DMXL1: variants seen among roughly 807,000 people sequenced by gnomAD.
DMXL1 encodes the protein dmX-like protein 1.
In DMXL1, 99 loss-of-function variants were observed where a neutral mutation model predicts 319.2. That is an observed-to-expected ratio of 0.31 (90% confidence interval 0.26 to 0.37). The LOEUF (loss-of-function observed/expected upper bound fraction) is 0.37, where lower values mean the gene tolerates loss of function less well. DMXL1 is among the 10% of genes least tolerant of loss of function. DMXL1 has a pLI of 1.00. For missense variants in DMXL1, 3,745 were observed against 3,595.6 expected, an observed-to-expected ratio of 1.04 and a Z score of -1.06; for synonymous variants, 1,385 against 1,235.2, an observed-to-expected ratio of 1.12 and a Z score of -2.54.
In DMXL1 at chr5:119,101,845, A is replaced by G. The variant is rs1286277140; in HGVS notation, c.214-90A>G. The G allele has an allele frequency of 1.2e-5, 10 of 826,950 alleles. No homozygotes were observed. The South Asian group carries it at 1.3e-4, about 11-fold the overall frequency. The allele number at this position is 826,950 out of a possible 1,614,324, so 51.2% of individuals were successfully genotyped here. ...TGAATGAAATTGTGTGTATTGGCATATTTAAAGTTATAGTATTCATTTCTT... is the reference window on the plus strand; with the variant it reads ...TGAATGAAATTGTGTGTATTGGCATGTTTAAAGTTATAGTATTCATTTCTT... On this transcript the variant is annotated intron_variant, in intron 2 of 43. Coordinates refer to ENST00000539542, the MANE Select transcript of DMXL1 (RefSeq NM_001290321.3).
intron 26 of DMXL1, among the ~76,000 whole-genome samples, chr5:119,176,572 AAAGC>A (rs1190173952): frequency 1.3e-5 from 2 of 152,074 alleles, no homozygotes; most frequent in African/African-American, 4.8e-5. Context: ...ACTGGAAAGT[AAAGC>A]AAGGGAAACT....
chr5:119,150,314 C>G lies in DMXL1; in HGVS notation c.4487C>G (p.Ser1496Cys). The G allele has an allele frequency of 6.2e-7, 1 of 1,613,820 alleles. No individual in the cohort carries two copies. Among genetic ancestry groups the G allele is most frequent in the Non-Finnish European group, 8.5e-7 (1 of 1,179,846 alleles). Residue 1496 changes from serine (S) to cysteine (C), a missense_variant, in exon 18 of 44, where the codon TCT (serine) becomes TGT (cysteine). By Grantham distance (112) the Ser-to-Cys change is moderately radical. This residue lies in a region of DMXL1 where 2,096 missense variants were observed against 1,985.4 expected (regional missense o/e 1.06). Transcript: ENST00000539542. ...GTTCTTTCTGGCCACTTACTTCATTCTAGTTTACCAGGACTCAGCCGGATG... is the reference window on the plus strand; with the variant it reads ...GTTCTTTCTGGCCACTTACTTCATTGTAGTTTACCAGGACTCAGCCGGATG... ...AQVLSGHLLH[S>C]SLPGLSRMEQ...
chr5:119,199,711 CA>C (rs1382220206), intron 32 of DMXL1, among the ~76,000 whole-genome samples: 1 of 152,226 alleles, frequency 6.6e-6, no homozygotes, highest in Non-Finnish European at 1.5e-5. Context: ...CTTTTCTCTG[CA>C]ACCTTCCCAG....
chr5:119,235,764 T>C (rs896599623), intron 39 of DMXL1, among the ~76,000 whole-genome samples: 4 of 152,108 alleles, frequency 2.6e-5, no homozygotes, highest in African/African-American at 9.7e-5. Context: ...CTAAATGTCG[T>C]TGGCCTGTCA....
chr5:119,130,169 C>A (rs1048797138), intron 10 of DMXL1, among the ~76,000 whole-genome samples: 2 of 151,712 alleles, frequency 1.3e-5, no homozygotes, highest in Non-Finnish European at 2.9e-5. Context: ...TAAGAAAAAT[C>A]AAACAGGTAC....
chr5:119,187,602 T>C (rs1200941446), intron 28 of DMXL1, among the ~76,000 whole-genome samples: 1 of 152,204 alleles, frequency 6.6e-6, no homozygotes, highest in Non-Finnish European at 1.5e-5. Flanking sequence ...GTAATACACA[T>C]TCATTACTGT....
intron 32 of DMXL1, among the ~76,000 whole-genome samples, chr5:119,201,437 AG>A (rs1309959189): frequency 3.3e-5 from 5 of 152,218 alleles, no homozygotes; most frequent in African/African-American, 1.2e-4. Context: ...ATGGTGAATT[AG>A]CTTTTTGATG....
chr5:119,155,243 A>G (rs1384631497), intron 19 of DMXL1, among the ~76,000 whole-genome samples: 1 of 152,254 alleles, frequency 6.6e-6, no homozygotes, highest in Non-Finnish European at 1.5e-5. Context: ...AATACATTTC[A>G]TAAGGCTATA....
chr5:119,229,322 G>C (rs1786216087), intron 38 of DMXL1, among the ~76,000 whole-genome samples: 1 of 152,132 alleles, frequency 6.6e-6, no homozygotes, highest in African/African-American at 2.4e-5. Context: ...TTTGTGGTCA[G>C]ATTGCTTAAA....
At chr5:119,240,141 C>T (rs1434796991) in intron 41 of DMXL1, among the ~76,000 whole-genome samples, 1 of 152,004 alleles carries the variant, frequency 6.6e-6, no homozygotes, top group Non-Finnish European at 1.5e-5. Context: ...GACATGGTGG[C>T]ACACATCTGT....
chr5:119,118,055 C>T (rs1488893760), intron 7 of DMXL1, among the ~76,000 whole-genome samples: 1 of 152,134 alleles, frequency 6.6e-6, no homozygotes, highest in Non-Finnish European at 1.5e-5. Flanking sequence ...GGGTTTCAGG[C>T]TTTGAGCTCT....
chr5:119,232,266 C>A (rs1258976144), intron 38 of DMXL1, among the ~76,000 whole-genome samples: 1 of 152,158 alleles, frequency 6.6e-6, no homozygotes, highest in Non-Finnish European at 1.5e-5. Context: ...TAGAGCCAGT[C>A]AAATACCTAG....
intron 8 of DMXL1, 50 bp downstream of exon 8, chr5:119,119,054 C>T: frequency 7.6e-7 from 1 of 1,317,060 alleles, no homozygotes; most frequent in Non-Finnish European, 1.0e-6. Flanking sequence ...ACCTTTGGTA[C>T]ATTGCCTTTT....
intron 25 of DMXL1, 125 bp from the exon 26 acceptor site, chr5:119,175,136 G>A: frequency 1.8e-6 from 1 of 569,066 alleles, no homozygotes; most frequent in Non-Finnish European, 3.0e-6. Flanking sequence ...AAAGGAAATA[G>A]TTCATGAAGG....
intron 1 of DMXL1, among the ~76,000 whole-genome samples, chr5:119,084,132 T>TG (rs1752812703): frequency 1.3e-5 from 2 of 151,930 alleles, no homozygotes; most frequent in Non-Finnish European, 1.5e-5. Context: ...TCACCCCTTT[T>TG]TTTTTTAAGA....
chr5:119,152,063 G>A, intron 19 of DMXL1, 27 bp downstream of exon 19: 1 of 1,486,232 alleles, frequency 6.7e-7, no homozygotes, highest in Non-Finnish European at 9.3e-7. Context: ...TCTATTAAAG[G>A]GAAATAAAGC....
At chr5:119,134,608 G>C (rs1211430855) in intron 13 of DMXL1, among the ~76,000 whole-genome samples, 1 of 152,182 alleles carries the variant, frequency 6.6e-6, no homozygotes, top group Non-Finnish European at 1.5e-5. Flanking sequence ...CTCATCTCCT[G>C]TAATATGTTT....
chr5:119,072,006 C>A (rs1164334549), intron 1 of DMXL1, among the ~76,000 whole-genome samples: 1 of 151,976 alleles, frequency 6.6e-6, no homozygotes, highest in Non-Finnish European at 1.5e-5. Context: ...TTCAAATTGT[C>A]AAATTTAGGA....
At chr5:119,118,462 A>T (rs930768036) in intron 7 of DMXL1, among the ~76,000 whole-genome samples, 2 of 152,084 alleles carry the variant, frequency 1.3e-5, no homozygotes, top group African/African-American at 4.8e-5. Context: ...AATCTTATTG[A>T]GTGCTGGGAT....
Sources: gnomAD v4.1 joint callset for allele counts (sites outside exome capture counted in the v4.1 genomes callset) on GRCh38, gnomAD v4.1.1 for gene constraint, gnomAD v4.1.1 regional missense constraint, MANE v1.5 for transcripts, NCBI Gene and HGNC (gene_info 2026-07-23, HGNC 2026-07-21) for gene names.